The following RBFOX3 variants were observed in gnomAD, a reference collection of about 807,000 sequenced individuals.
RBFOX3 encodes RNA binding protein fox-1 homolog 3.
In RBFOX3, 17 loss-of-function variants were observed where a neutral mutation model predicts 48.7. That is an observed-to-expected ratio of 0.35 (90% CI 0.24 to 0.52). RBFOX3 has a LOEUF of 0.52. RBFOX3 is among the 20% of genes least tolerant of loss of function. RBFOX3 has a pLI of 0.94. For missense variants in RBFOX3, 382 were observed against 497.5 expected (o/e 0.77, Z 2.21); for synonymous variants, 212 against 209.5 (o/e 1.01, Z -0.10).
chr17:79,268,312 A>C (rs947274431), intron 3 of RBFOX3, among the ~76,000 whole-genome samples: 1 of 151,916 alleles, frequency 6.6e-6, no homozygotes, highest in African/African-American at 2.4e-5. Context: ...CTCCCATTTC[A>C]TTCCAGAAAC....
the RBFOX3 span, among the ~76,000 whole-genome samples, chr17:79,653,809 G>A: frequency 1.3e-5 from 2 of 148,274 alleles, no homozygotes; most frequent in Non-Finnish European, 3.0e-5. Flanking sequence ...TTGGGAGGCT[G>A]AGGTGGAAGT....
intron 2 of RBFOX3, among the ~76,000 whole-genome samples, chr17:79,463,648 C>T (rs2075864910): frequency 6.7e-6 from 1 of 150,088 alleles, no homozygotes; most frequent in Admixed American, 6.6e-5. Context: ...CCGCCACCTC[C>T]ACCACCATCG....
At chr17:79,232,796 AG>A (rs2061191782) in intron 4 of RBFOX3, among the ~76,000 whole-genome samples, 1 of 152,242 alleles carries the variant, frequency 6.6e-6, no homozygotes, top group Non-Finnish European at 1.5e-5. Context: ...AGGGAAATAT[AG>A]ATTAAAACCC....
chr17:79,662,132 C>CTTTTTTTTTTTTTTTTTTT, the RBFOX3 span, among the ~76,000 whole-genome samples: 46 of 96,864 alleles, frequency 4.7e-4, 8 homozygotes, highest in African/African-American at 9.3e-4. Flanking sequence ...CCTGTTTATT[C>CTTTTTTTTTTTTTTTTTTT]TTTTTTTTTT....
At chr17:79,197,381 T>C (rs1389822654) in intron 4 of RBFOX3, among the ~76,000 whole-genome samples, 1 of 118,652 alleles carries the variant, frequency 8.4e-6, no homozygotes, top group Non-Finnish European at 1.6e-5. Context: ...CTTTTCTTTC[T>C]TTCTTTCTTT....
At chr17:79,524,798 A>G (rs973391309) in intron 1 of RBFOX3, among the ~76,000 whole-genome samples, 1 of 152,126 alleles carries the variant, frequency 6.6e-6, no homozygotes, top group Non-Finnish European at 1.5e-5. Flanking sequence ...ACATGGCATC[A>G]TGGGTGGGTT....
At chr17:79,340,998 C>T (rs1025420509) in intron 2 of RBFOX3, among the ~76,000 whole-genome samples, 3 of 152,234 alleles carry the variant, frequency 2.0e-5, no homozygotes, top group African/African-American at 7.2e-5. Flanking sequence ...AAGCTCTGGA[C>T]TCAAACAAAC....
chr17:79,584,931 A>G (rs1237851459), intron 1 of RBFOX3, among the ~76,000 whole-genome samples: 1 of 151,890 alleles, frequency 6.6e-6, no homozygotes, highest in African/African-American at 2.4e-5. Flanking sequence ...ACACCCAGCT[A>G]CTTTTTTGTA....
intron 13 of RBFOX3, 96 bp downstream of exon 13, chr17:79,095,417 G>A: frequency 8.9e-7 from 1 of 1,122,420 alleles, no homozygotes; most frequent in Non-Finnish European, 1.3e-6. Flanking sequence ...TGGAAGAGTG[G>A]GTTACGCCTC....
intron 4 of RBFOX3, among the ~76,000 whole-genome samples, chr17:79,223,063 T>A (rs2059915362): frequency 6.6e-6 from 1 of 152,102 alleles, no homozygotes; most frequent in South Asian, 2.1e-4. Flanking sequence ...GCTGCCTGTC[T>A]CCTGCATCCT....
At chr17:79,310,438 C>T (rs1363894745) in intron 2 of RBFOX3, among the ~76,000 whole-genome samples, 2 of 152,170 alleles carry the variant, frequency 1.3e-5, no homozygotes, top group Admixed American at 6.5e-5. Context: ...TCACCAAGCT[C>T]GAGGTTCCTG....
At chr17:79,627,542 T>C in the RBFOX3 span, among the ~76,000 whole-genome samples, 1 of 152,096 alleles carries the variant, frequency 6.6e-6, no homozygotes, top group African/African-American at 2.4e-5. Flanking sequence ...TGTGATTCTA[T>C]GTGAAACAGC....
intron 3 of RBFOX3, among the ~76,000 whole-genome samples, chr17:79,270,104 C>G (rs1247157792): frequency 6.6e-6 from 1 of 152,196 alleles, no homozygotes; most frequent in Non-Finnish European, 1.5e-5. Context: ...CTGTGGCCAC[C>G]CTCCTGGTTC....
chr17:79,306,496 G>A (rs980150855), intron 3 of RBFOX3, among the ~76,000 whole-genome samples: 1 of 152,214 alleles, frequency 6.6e-6, no homozygotes, highest in African/African-American at 2.4e-5. Flanking sequence ...CTTTGTTCCT[G>A]GGGCTCCCTT....
At chr17:79,618,542 G>A in the RBFOX3 span, among the ~76,000 whole-genome samples, 1 of 152,152 alleles carries the variant, frequency 6.6e-6, no homozygotes, top group Non-Finnish European at 1.5e-5. Flanking sequence ...TAGAGTCCTT[G>A]TCCCTTTTGT....
intron 4 of RBFOX3, among the ~76,000 whole-genome samples, chr17:79,177,493 C>A (rs2050844634): frequency 6.6e-6 from 1 of 152,214 alleles, no homozygotes; most frequent in Non-Finnish European, 1.5e-5. Flanking sequence ...CCTCTGCTAA[C>A]CTCCCAGCAT....
the RBFOX3 span, among the ~76,000 whole-genome samples, chr17:79,660,727 C>G: frequency 0.66 from 100,681 of 152,114 alleles, 34,879 homozygotes; most frequent in Non-Finnish European, 0.77. Flanking sequence ...GTGGTGATTC[C>G]TCAAAGATCT....
the RBFOX3 span, among the ~76,000 whole-genome samples, chr17:79,639,504 C>T: frequency 1.3e-5 from 2 of 152,130 alleles, no homozygotes; most frequent in South Asian, 4.1e-4. Context: ...GCTAGCATCA[C>T]CCTAATAGCA....
At position 79,481,743 on chromosome 17, in the gene RBFOX3, C is replaced by T. The variant is rs999533132; in HGVS notation, c.-175+711G>A. Among the ~76,000 whole-genome samples, 4 of 152,268 alleles carry T rather than the reference C, an allele frequency of 2.6e-5. No individual in the cohort carries two copies. Among genetic ancestry groups the T allele is most frequent in the African/African-American group, 7.2e-5 (3 of 41,558 alleles). ...CCGAACTCAACCTGTGTGTATCATACGACTGTCATACAACTGTCATTTTTA... is the reference window on the plus strand; with the variant it reads ...CCGAACTCAACCTGTGTGTATCATATGACTGTCATACAACTGTCATTTTTA... On this transcript the variant is annotated intron_variant, in intron 2 of 14. Transcript: ENST00000693108. This position sits in a 1 kb window ranked among gnomAD's most constrained non-coding sequence, Gnocchi z 5.4.
Sources: allele counts gnomAD v4.1 joint callset (sites outside exome capture counted in the v4.1 genomes callset), GRCh38; gene constraint gnomAD v4.1.1; non-coding constraint Gnocchi (gnomAD v3.1); transcripts MANE v1.5; gene names NCBI Gene and HGNC (gene_info 2026-07-23, HGNC 2026-07-21).